GSE1: variants seen among roughly 807,000 people sequenced by gnomAD.
GSE1 encodes the protein genetic suppressor element 1.
A neutral mutation model predicts 112.6 loss-of-function variants in GSE1; 32 were observed. The ratio of observed to expected loss-of-function variants is 0.28; its 90% confidence interval spans 0.21 to 0.38. The LOEUF (loss-of-function observed/expected upper bound fraction) is 0.38. GSE1 is among the 10% of genes least tolerant of loss of function. The probability of loss-of-function intolerance (pLI) is 1.00; values close to 1 mark genes in which losing one functional copy is unlikely to be tolerated. For missense variants in GSE1, 2,348 were observed against 1,699.2 expected (o/e 1.38, Z -6.71); for synonymous variants, 1,115 against 735.6 (o/e 1.52, Z -8.35).
At chr16:85,400,636 TGTTGTG>T (rs942056547) in intron 2 of GSE1, among the ~76,000 whole-genome samples, 1 of 151,680 alleles carries the variant, frequency 6.6e-6, no homozygotes, top group Non-Finnish European at 1.5e-5. Flanking sequence ...TGTGTCTGTG[TGTTGTG>T]TGTGTCTCTG....
At chr16:85,549,484 A>G (rs1382307969) in intron 2 of GSE1, among the ~76,000 whole-genome samples, 3 of 152,138 alleles carry the variant, frequency 2.0e-5, no homozygotes, top group African/African-American at 4.8e-5. Context: ...GGCCATGTAG[A>G]CATCACTTTT....
chr16:85,207,572 C>G (rs1422405669), intron 1 of GSE1, among the ~76,000 whole-genome samples: 2 of 144,222 alleles, frequency 1.4e-5, no homozygotes, highest in Non-Finnish European at 3.0e-5. Context: ...TTCTCAGAGC[C>G]TGCAGCCCCT....
At position 85,591,875 on chromosome 16, in the gene GSE1, T is replaced by G. The variant is rs1336436947; in HGVS notation, c.37+35512T>G. 3.3e-5 allele frequency among the ~76,000 whole-genome samples: 5 copies of G among 152,234 alleles called. No individual in the cohort carries two copies. In the East Asian group the frequency reaches 9.6e-4, roughly 29 times the overall value. On this transcript the variant is annotated intron_variant, in intron 1 of 2. Transcript: ENST00000635906. The stretch of plus-strand genomic sequence containing the variant: ...GGAGCAGCGCTGTCTGCTGGAACAT[T>G]CTACACTGATGGAATGTTCTAGATC...
intron 1 of GSE1, chr16:85,207,963 C>T (rs2075149813): frequency 6.6e-6 from 1 of 152,054 alleles, no homozygotes; most frequent in Non-Finnish European, 1.5e-5. Flanking sequence ...GCCCTGCATC[C>T]AGGCCCGGGT....
intron 3 of GSE1, among the ~76,000 whole-genome samples, chr16:85,649,379 C>A (rs1191091774): frequency 2.6e-5 from 4 of 152,182 alleles, no homozygotes; most frequent in Non-Finnish European, 5.9e-5. Flanking sequence ...GTGAACTGAA[C>A]AAAGAATTGA....
At chr16:85,416,912 G>T (rs955047421) in intron 2 of GSE1, among the ~76,000 whole-genome samples, 3 of 152,220 alleles carry the variant, frequency 2.0e-5, no homozygotes, top group African/African-American at 7.2e-5. Context: ...CCGGGGTGCA[G>T]TGGCACGATC....
At chr16:85,455,064 C>T (rs367638330) in intron 2 of GSE1, among the ~76,000 whole-genome samples, 4 of 152,226 alleles carry the variant, frequency 2.6e-5, no homozygotes, top group Non-Finnish European at 4.4e-5. Flanking sequence ...GTGCATCCCA[C>T]GAGGCTTCGT....
intron 2 of GSE1, among the ~76,000 whole-genome samples, chr16:85,457,441 G>C (rs2049859476): frequency 1.3e-5 from 2 of 152,228 alleles, no homozygotes; most frequent in African/African-American, 4.8e-5. Context: ...CTGGGGCAGG[G>C]ATACAGATCA....
rs937074824 is a variant in GSE1, at chr16:85,404,094, G to A, written c.2464+46451G>A. Among the ~76,000 whole-genome samples, 7 of 151,678 alleles carry A rather than the reference G, an allele frequency of 4.6e-5. No individual in the cohort carries two copies. In the East Asian group the frequency reaches 1.2e-3, roughly 25 times the overall value. ...GAAACCAGCTTGTGATTGGACACAGGGCCCCCCCGGATAATCCTCACTGTT... is the reference window on the plus strand; with the variant it reads ...GAAACCAGCTTGTGATTGGACACAGAGCCCCCCCGGATAATCCTCACTGTT... On this transcript the variant is annotated intron_variant, in intron 2 of 2. Coordinates refer to the GSE1 transcript ENST00000637419.
At chr16:85,270,565 G>A (rs1424937664) in intron 1 of GSE1, among the ~76,000 whole-genome samples, 1 of 148,852 alleles carries the variant, frequency 6.7e-6, no homozygotes, top group Admixed American at 6.7e-5. Flanking sequence ...CCCAGTGGGG[G>A]CCGATTTTAT....
At position 85,400,668 on chromosome 16, in the gene GSE1, C is replaced by T. The variant is rs147356361; in HGVS notation, c.2464+43025C>T. 3.5e-3 allele frequency among the ~76,000 whole-genome samples: 510 copies of T among 147,270 alleles called. 4 individuals are homozygous for T. Among genetic ancestry groups the T allele is most frequent in the African/African-American group, 0.012 (471 of 39,676 alleles). On this transcript the variant is annotated intron_variant, in intron 2 of 2. Transcript: ENST00000637419. ...TGTGTCTCTGTGTCTGTGTATGTTG[C>T]GTGTGTCTCTGTGTGTTTTTGTGTG... is the stretch of plus-strand genomic sequence containing the variant.
chr16:85,483,317 G>A (rs1432609555), intron 2 of GSE1, among the ~76,000 whole-genome samples: 4 of 152,244 alleles, frequency 2.6e-5, no homozygotes, highest in African/African-American at 4.8e-5. Flanking sequence ...ATGGGAGAGC[G>A]AGAACAGAAA....
At chr16:85,617,356 C>A (rs1435317239) in intron 1 of GSE1, among the ~76,000 whole-genome samples, 1 of 152,178 alleles carries the variant, frequency 6.6e-6, no homozygotes, top group South Asian at 2.1e-4. Context: ...CCTGCACCTA[C>A]CAGTCATCTG....
At chr16:85,423,723 CCT>C (rs56132346) in intron 2 of GSE1, among the ~76,000 whole-genome samples, 51,848 of 151,748 alleles carry the variant, frequency 0.34, 10,307 homozygotes, top group Non-Finnish European at 0.44. Flanking sequence ...AGCGTGTATC[CCT>C]CTCTCTGTCG....
chr16:85,366,114 G>T (rs140960789), intron 2 of GSE1, among the ~76,000 whole-genome samples: 1 of 152,252 alleles, frequency 6.6e-6, no homozygotes, highest in Non-Finnish European at 1.5e-5. Flanking sequence ...GGCCTCCACC[G>T]CCGGGAAGGC....
chr16:85,585,698 G>A (rs1050833320), intron 1 of GSE1, among the ~76,000 whole-genome samples: 21 of 152,210 alleles, frequency 1.4e-4, no homozygotes, highest in African/African-American at 3.1e-4. Flanking sequence ...GGCAAGTGCC[G>A]TCCCTTCTCT....
intron 1 of GSE1, among the ~76,000 whole-genome samples, chr16:85,622,348 G>A (rs1378342869): frequency 1.3e-5 from 2 of 152,138 alleles, no homozygotes; most frequent in Non-Finnish European, 2.9e-5. Flanking sequence ...ACGAGGAAAC[G>A]CCATTAGAAC....
chr16:85,621,814 G>T (rs913331285), intron 1 of GSE1, among the ~76,000 whole-genome samples: 17 of 152,302 alleles, frequency 1.1e-4, no homozygotes, highest in Non-Finnish European at 2.2e-4. Context: ...AAGAAGCAGG[G>T]GAGGGGAGGG....
intron 1 of GSE1, among the ~76,000 whole-genome samples, chr16:85,276,729 G>T (rs7193216): frequency 6.6e-6 from 1 of 151,956 alleles, no homozygotes; most frequent in Admixed American, 6.5e-5. Context: ...GGGCCGGGGA[G>T]GTGTGTGGGG....
Sources: gnomAD v4.1 joint callset for allele counts (sites outside exome capture counted in the v4.1 genomes callset) on GRCh38, gnomAD v4.1.1 for gene constraint, MANE v1.5 for transcripts, NCBI Gene and HGNC (gene_info 2026-07-23, HGNC 2026-07-21) for gene names.